CCDC148: variants seen among roughly 807,000 people sequenced by gnomAD.
CCDC148 encodes the protein coiled-coil domain containing 148, also known as coiled-coil domain-containing protein 148.
Under a neutral mutation model 85.7 loss-of-function variants are expected in CCDC148, and 89 were observed. The observed-to-expected ratio is 1.04, with a 90% CI of 0.87 to 1.24. The LOEUF (loss-of-function observed/expected upper bound fraction) is 1.24. Ranked by LOEUF, CCDC148 falls within the 50% of genes most tolerant of loss-of-function variation. CCDC148 has a pLI of 0.00. For missense variants in CCDC148, 692 were observed against 671.7 expected, an observed-to-expected ratio of 1.03 and a Z score of -0.33; for synonymous variants, 230 against 213.9, an observed-to-expected ratio of 1.08 and a Z score of -0.66.
At chr2:158,300,396 G>A (rs1431020594) in intron 9 of CCDC148, among the ~76,000 whole-genome samples, 1 of 152,108 alleles carries the variant, frequency 6.6e-6, no homozygotes, top group Non-Finnish European at 1.5e-5. Flanking sequence ...ACTTCTTTTG[G>A]GGAAATAGAG....
chr2:158,343,532 C>G (rs1682846768), intron 3 of CCDC148, among the ~76,000 whole-genome samples: 1 of 152,168 alleles, frequency 6.6e-6, no homozygotes, highest in East Asian at 1.9e-4. Context: ...TATTACCTGG[C>G]ACATATTAAA....
intron 10 of CCDC148, among the ~76,000 whole-genome samples, chr2:158,222,146 A>G (rs73966292): frequency 0.027 from 4,140 of 152,292 alleles, 176 homozygotes; most frequent in African/African-American, 0.089. Context: ...TTTTTAAAAG[A>G]ACAGATATGG....
intron 9 of CCDC148, among the ~76,000 whole-genome samples, chr2:158,281,995 TC>T (rs760255557): frequency 5.9e-5 from 9 of 151,846 alleles, no homozygotes; most frequent in Non-Finnish European, 1.3e-4. Context: ...ATAAATGTAA[TC>T]CAGCATATAA....
intron 7 of CCDC148, among the ~76,000 whole-genome samples, chr2:158,325,721 G>C (rs187825961): frequency 9.2e-5 from 14 of 152,190 alleles, no homozygotes; most frequent in African/African-American, 3.1e-4. Flanking sequence ...TTCACATACG[G>C]TGTTCCCCAT....
At chr2:158,455,033 G>C (rs1321832621) in intron 1 of CCDC148, among the ~76,000 whole-genome samples, 1 of 152,120 alleles carries the variant, frequency 6.6e-6, no homozygotes, top group Non-Finnish European at 1.5e-5. Flanking sequence ...TAAGGCAAGA[G>C]AAAAGACCCA....
chr2:158,353,558 T>C (rs1683445219), intron 2 of CCDC148, among the ~76,000 whole-genome samples: 1 of 151,776 alleles, frequency 6.6e-6, no homozygotes, highest in Admixed American at 6.6e-5. Flanking sequence ...CCAATATAGG[T>C]GCACCAAGAT....
intron 1 of CCDC148, among the ~76,000 whole-genome samples, chr2:158,430,780 G>A (rs191662716): frequency 1.3e-5 from 2 of 152,114 alleles, no homozygotes; most frequent in African/African-American, 2.4e-5. Flanking sequence ...AAATAAAACA[G>A]AGAAATGGCA....
At chr2:158,217,433 C>T (rs577252657) in intron 11 of CCDC148, among the ~76,000 whole-genome samples, 87 of 149,786 alleles carry the variant, frequency 5.8e-4, no homozygotes, top group African/African-American at 2.0e-3. Context: ...GATGGCGTCT[C>T]GCTCTGTTGC....
intron 1 of CCDC148, among the ~76,000 whole-genome samples, chr2:158,387,509 C>A (rs182711010): frequency 1.3e-4 from 20 of 152,256 alleles, no homozygotes; most frequent in Admixed American, 9.2e-4. Flanking sequence ...CTCTTCTACA[C>A]AGATGCCTCC....
intron 1 of CCDC148, among the ~76,000 whole-genome samples, chr2:158,438,885 T>A (rs1408559151): frequency 1.3e-5 from 2 of 152,150 alleles, no homozygotes; most frequent in Admixed American, 1.3e-4. Context: ...ATGCTCATCA[T>A]CACTGGCCAT....
chr2:158,342,662 C>A (rs1055854762), intron 3 of CCDC148, among the ~76,000 whole-genome samples: 1 of 152,170 alleles, frequency 6.6e-6, no homozygotes, highest in Non-Finnish European at 1.5e-5. Context: ...TGGCACCTTT[C>A]TGGAAGGATA....
chr2:158,349,947 A>G (rs967225052), intron 2 of CCDC148, among the ~76,000 whole-genome samples: 7 of 150,130 alleles, frequency 4.7e-5, no homozygotes, highest in African/African-American at 1.8e-4. Context: ...TGATTGCTAC[A>G]GACTGTGAAC....
chr2:158,320,576 T>A (rs1692475201), intron 7 of CCDC148, among the ~76,000 whole-genome samples: 2 of 152,214 alleles, frequency 1.3e-5, no homozygotes, highest in African/African-American at 4.8e-5. Flanking sequence ...TCCATAGAAA[T>A]TTTAATCTTG....
intron 11 of CCDC148, among the ~76,000 whole-genome samples, chr2:158,207,000 A>C (rs960469726): frequency 5.9e-5 from 9 of 152,206 alleles, no homozygotes; most frequent in African/African-American, 2.2e-4. Context: ...ACATGGTATA[A>C]TACCCCAAAG....
At chr2:158,247,580 G>T (rs1287556723) in intron 10 of CCDC148, among the ~76,000 whole-genome samples, 2 of 152,122 alleles carry the variant, frequency 1.3e-5, no homozygotes, top group African/African-American at 4.8e-5. Context: ...TAAAAGGCCG[G>T]GCATGGTAGC....
At chr2:158,208,377 T>G (rs1310001064) in intron 11 of CCDC148, among the ~76,000 whole-genome samples, 2 of 152,112 alleles carry the variant, frequency 1.3e-5, no homozygotes, top group Admixed American at 6.5e-5. Flanking sequence ...CCCTTCCTCC[T>G]TTGTAGAAAT....
At chr2:158,362,071 A>G (rs141548535) in intron 1 of CCDC148, among the ~76,000 whole-genome samples, 1 of 152,220 alleles carries the variant, frequency 6.6e-6, no homozygotes, top group East Asian at 1.9e-4. Context: ...CAAAAATCAA[A>G]AGAGACAAGG....
intron 1 of CCDC148, among the ~76,000 whole-genome samples, chr2:158,408,851 T>C (rs1574769905): frequency 6.6e-6 from 1 of 152,188 alleles, no homozygotes; most frequent in Admixed American, 6.5e-5. Context: ...TCACCAACTT[T>C]CTGATAATAG....
chr2:158,389,476 CA>C (rs1429915281), intron 1 of CCDC148, among the ~76,000 whole-genome samples: 3 of 152,300 alleles, frequency 2.0e-5, no homozygotes, highest in Admixed American at 6.5e-5. Context: ...AGATCAATTT[CA>C]ATTCTCAGTT....
Sources: gnomAD v4.1 joint callset for allele counts (sites outside exome capture counted in the v4.1 genomes callset) on GRCh38, gnomAD v4.1.1 for gene constraint, MANE v1.5 for transcripts, NCBI Gene and HGNC (gene_info 2026-07-23, HGNC 2026-07-21) for gene names.